The following HEMK2 variants were observed in gnomAD, a reference collection of about 807,000 sequenced individuals.
The protein encoded by HEMK2 is HemK methyltransferase 2, ETF1 glutamine and histone H4 lysine, also known as methyltransferase HEMK2.
chr21:28,807,338 AT>A, the HEMK2 span, among the ~76,000 whole-genome samples: 1 of 152,174 alleles, frequency 6.6e-6, no homozygotes, highest in Non-Finnish European at 1.5e-5. Flanking sequence ...CCTACCCACC[AT>A]ATCCAATCCA....
the HEMK2 span, among the ~76,000 whole-genome samples, chr21:28,842,194 T>C: frequency 6.6e-6 from 1 of 152,174 alleles, no homozygotes; most frequent in African/African-American, 2.4e-5. Flanking sequence ...ACATAATGGC[T>C]AGCCTAAAGT....
At chr21:28,802,323 T>C in the HEMK2 span, among the ~76,000 whole-genome samples, 1 of 152,084 alleles carries the variant, frequency 6.6e-6, no homozygotes, top group African/African-American at 2.4e-5. Flanking sequence ...GGAAGAGAAA[T>C]AAGTCTCTAT....
At chr21:28,785,654 A>G in the HEMK2 span, among the ~76,000 whole-genome samples, 12 of 152,328 alleles carry the variant, frequency 7.9e-5, no homozygotes, top group African/African-American at 2.9e-4. Context: ...CACTATGTGA[A>G]TATGCCCAGG....
the HEMK2 span, chr21:28,874,908 T>C: frequency 2.0e-5 from 3 of 152,280 alleles, no homozygotes; most frequent in African/African-American, 7.2e-5. Flanking sequence ...CTGCTCAAAG[T>C]TGTGTCCACC....
the HEMK2 span, among the ~76,000 whole-genome samples, chr21:28,632,137 T>C: frequency 6.6e-6 from 1 of 152,232 alleles, no homozygotes; most frequent in Non-Finnish European, 1.5e-5. Context: ...ATAAGACTCA[T>C]GAATTATCTC....
At chr21:28,751,080 A>C in the HEMK2 span, among the ~76,000 whole-genome samples, 1 of 151,730 alleles carries the variant, frequency 6.6e-6, no homozygotes, top group Non-Finnish European at 1.5e-5. Context: ...AAATACAAAA[A>C]ATTAGCCGGG....
At chr21:28,823,299 A>G in the HEMK2 span, among the ~76,000 whole-genome samples, 1 of 152,218 alleles carries the variant, frequency 6.6e-6, no homozygotes, top group Non-Finnish European at 1.5e-5. Flanking sequence ...AGGAAAGCTC[A>G]AAGTGCTCTG....
chr21:28,854,329 CT>C, the HEMK2 span, among the ~76,000 whole-genome samples: 1 of 152,030 alleles, frequency 6.6e-6, no homozygotes, highest in African/African-American at 2.4e-5. Context: ...AAGTAGAGTC[CT>C]TAACATTTTT....
chr21:28,721,900 T>TCACACACACACA, the HEMK2 span, among the ~76,000 whole-genome samples: 1 of 127,296 alleles, frequency 7.9e-6, no homozygotes, highest in Non-Finnish European at 1.6e-5. Context: ...TTCTTAACCA[T>TCACACACACACA]CACACACACA....
At chr21:28,665,387 A>ATTTTTTTTT in the HEMK2 span, among the ~76,000 whole-genome samples, 3 of 14,416 alleles carry the variant, frequency 2.1e-4, no homozygotes, top group African/African-American at 3.8e-4. Flanking sequence ...TTTTTTTTTA[A>ATTTTTTTTT]TTTTTTTTTT....
the HEMK2 span, among the ~76,000 whole-genome samples, chr21:28,694,285 G>T: frequency 6.6e-6 from 1 of 152,248 alleles, no homozygotes; most frequent in East Asian, 1.9e-4. Context: ...AATTTGCTTT[G>T]ACCTAATTTG....
At chr21:28,842,937 G>A in the HEMK2 span, among the ~76,000 whole-genome samples, 1 of 152,114 alleles carries the variant, frequency 6.6e-6, no homozygotes, top group Non-Finnish European at 1.5e-5. Context: ...TCTACAATGG[G>A]AGATAGCATC....
chr21:28,715,266 A>C, the HEMK2 span, among the ~76,000 whole-genome samples: 1 of 152,152 alleles, frequency 6.6e-6, no homozygotes, highest in African/African-American at 2.4e-5. Flanking sequence ...GCAGTGTGTA[A>C]GCATTCTCTT....
the HEMK2 span, among the ~76,000 whole-genome samples, chr21:28,819,344 A>G: frequency 9.7e-3 from 1,468 of 151,086 alleles, 21 homozygotes; most frequent in Non-Finnish European, 0.013. Flanking sequence ...TCATGTGTTT[A>G]TACATATTTT....
chr21:28,770,433 C>G, the HEMK2 span, among the ~76,000 whole-genome samples: 16,356 of 152,116 alleles, frequency 0.11, 1,416 homozygotes, highest in African/African-American at 0.22. Flanking sequence ...AATGAGGCTT[C>G]CCAAGGATAT....
the HEMK2 span, among the ~76,000 whole-genome samples, chr21:28,647,742 A>G: frequency 6.6e-6 from 1 of 152,172 alleles, no homozygotes; most frequent in Non-Finnish European, 1.5e-5. Context: ...CCACAACCAT[A>G]CACACACATA....
chr21:28,643,036 C>A, the HEMK2 span, among the ~76,000 whole-genome samples: 3 of 152,096 alleles, frequency 2.0e-5, no homozygotes, highest in Non-Finnish European at 4.4e-5. Flanking sequence ...GTACTAGAAG[C>A]TTGGGCCTTG....
At chr21:28,605,363 A>G in the HEMK2 span, among the ~76,000 whole-genome samples, 1 of 152,246 alleles carries the variant, frequency 6.6e-6, no homozygotes, top group Admixed American at 6.5e-5. Flanking sequence ...AGTCAAGGAA[A>G]TGGATGCCTG....
At chr21:28,769,251 C>T in the HEMK2 span, among the ~76,000 whole-genome samples, 1 of 152,056 alleles carries the variant, frequency 6.6e-6, no homozygotes, top group African/African-American at 2.4e-5. Context: ...AAGCTTCTGG[C>T]ATTACCCCTA....
Sources: allele counts gnomAD v4.1 joint callset (sites outside exome capture counted in the v4.1 genomes callset), GRCh38; gene constraint gnomAD v4.1.1; transcripts MANE v1.5; gene names NCBI Gene and HGNC (gene_info 2026-07-23, HGNC 2026-07-21).